GRHL2: variants seen among roughly 807,000 people sequenced by gnomAD.
GRHL2 encodes grainyhead-like protein 2 homolog.
GRHL2 carries 21 observed loss-of-function variants against 83.8 expected under a neutral mutation model. The observed-to-expected ratio is 0.25, with a 90% CI of 0.18 to 0.36. The LOEUF (loss-of-function observed/expected upper bound fraction) is 0.36. Among genes scored for constraint, GRHL2 ranks in the 10% least tolerant of loss-of-function variants. The pLI is 1.00. For missense variants in GRHL2, 623 were observed against 781.8 expected, an observed-to-expected ratio of 0.80 and a Z score of 2.42; for synonymous variants, 280 against 278.9, an observed-to-expected ratio of 1.00 and a Z score of -0.04.
intron 1 of GRHL2, among the ~76,000 whole-genome samples, chr8:101,510,983 C>A (rs1168800306): frequency 6.6e-6 from 1 of 152,052 alleles, no homozygotes; most frequent in Non-Finnish European, 1.5e-5. Context: ...TGCCTGTAAT[C>A]CCAGCCACTC....
In GRHL2 at chr8:101,619,703, T is replaced by TAAAG. The variant is rs1207398113; in HGVS notation, c.1257+8_1257+11dup. ...TCAAGGTCTTCTGTGACAAAGTGAG[T>TAAAG]AAAGATGACAGTTTTTTATAAAGGT... On this transcript the variant is annotated splice_region_variant and intron_variant, in intron 9 of 15. Transcript: ENST00000646743. The TAAAG allele has an allele frequency of 1.9e-6, 3 of 1,605,908 alleles. No individual in the cohort carries two copies. The Admixed American group carries it at 5.0e-5, about 27-fold the overall frequency.
At position 101,596,141 on chromosome 8, in the gene GRHL2, T is replaced by A. The variant is rs376275488; in HGVS notation, c.1004-2916T>A. Among the ~76,000 whole-genome samples the A allele has an allele frequency of 5.8e-4, 80 of 137,090 alleles. 2 individuals are homozygous for A. The highest frequency in any genetic ancestry group is 1.7e-3 in the African/African-American group (62 of 37,098). 89.9% of individuals were successfully genotyped at this position (137,090 alleles called of 152,430 possible). On this transcript the variant is annotated intron_variant, in intron 7 of 15. Coordinates refer to ENST00000646743, the MANE Select transcript of GRHL2 (RefSeq NM_024915.4). ...TCTCAAAAAATAAAAATAAAAAAAA[T>A]AAAATAAATAAATAAAACAGAGAAA...
At chr8:101,512,283 A>G (rs1415691839) in intron 1 of GRHL2, among the ~76,000 whole-genome samples, 2 of 152,170 alleles carry the variant, frequency 1.3e-5, no homozygotes, top group Non-Finnish European at 2.9e-5. Flanking sequence ...TCTTATTCAC[A>G]TCATGCATTC....
At chr8:101,519,289 G>A (rs1310413285) in intron 1 of GRHL2, among the ~76,000 whole-genome samples, 1 of 151,858 alleles carries the variant, frequency 6.6e-6, no homozygotes, top group Non-Finnish European at 1.5e-5. Flanking sequence ...TCCCAAAAGT[G>A]CTGGAATTAC....
chr8:101,664,594 C>T (rs1814004561), intron 15 of GRHL2, 76 bp downstream of exon 15: 1 of 1,083,712 alleles, frequency 9.2e-7, no homozygotes, highest in Non-Finnish European at 1.4e-6. Context: ...AAAATGATGC[C>T]TGTCTTTTGT....
chr8:101,553,814 G>A (rs1811435995), intron 3 of GRHL2, among the ~76,000 whole-genome samples: 1 of 151,262 alleles, frequency 6.6e-6, no homozygotes, highest in Non-Finnish European at 1.5e-5. Context: ...TTTTGGTAGA[G>A]ACAGAGTTTC....
At chr8:101,609,605 C>A (rs1174973231) in intron 8 of GRHL2, among the ~76,000 whole-genome samples, 1 of 150,914 alleles carries the variant, frequency 6.6e-6, no homozygotes, top group Non-Finnish European at 1.5e-5. Context: ...CTGGAAACAA[C>A]CTAATGTTGA....
At position 101,636,932 on chromosome 8, in the gene GRHL2, A is replaced by G; in HGVS notation, c.1517+4A>G. On this transcript the variant is annotated splice_donor_region_variant and intron_variant, in intron 12 of 15. Transcript: ENST00000646743. ...ACACGGATGATGAACGAGAAGGGTA[A>G]GACACTCAGTTCTTTCATTTCAACA... 1 of 1,613,224 alleles carries G rather than the reference A, an allele frequency of 6.2e-7. No homozygotes were observed. The highest frequency in any genetic ancestry group is 8.5e-7 in the Non-Finnish European group (1 of 1,179,212).
At chr8:101,568,401 G>A (rs796487156) in intron 4 of GRHL2, among the ~76,000 whole-genome samples, 5 of 152,262 alleles carry the variant, frequency 3.3e-5, no homozygotes, top group African/African-American at 1.2e-4. Flanking sequence ...AGTTCCTTCA[G>A]TTAATCCAGG....
At chr8:101,670,063 A>G (rs192996692), downstream of GRHL2, among the ~76,000 whole-genome samples, 75 of 152,302 alleles carry the variant, frequency 4.9e-4, 4 homozygotes, top group East Asian at 0.012. Flanking sequence ...TTGAATTCCC[A>G]CAAAAGCTTT....
At chr8:101,656,893 C>T (rs1236618589) in intron 14 of GRHL2, among the ~76,000 whole-genome samples, 1 of 152,022 alleles carries the variant, frequency 6.6e-6, no homozygotes, top group African/African-American at 2.4e-5. Context: ...CACACACACA[C>T]ACACACACAC....
chr8:101,649,392 C>T, intron 13 of GRHL2, 22 bp from the exon 14 acceptor site: 1 of 1,598,638 alleles, frequency 6.3e-7, no homozygotes, highest in East Asian at 2.2e-5. Flanking sequence ...GGTCACGTGG[C>T]TCTCTTGCCC....
intron 9 of GRHL2, among the ~76,000 whole-genome samples, chr8:101,620,418 C>T (rs1017515830): frequency 1.4e-4 from 21 of 152,098 alleles, no homozygotes; most frequent in African/African-American, 2.9e-4. Context: ...TCAGGGCATC[C>T]GTTATTATTT....
chr8:101,541,741 C>G (rs955165624), intron 1 of GRHL2, among the ~76,000 whole-genome samples: 2 of 152,042 alleles, frequency 1.3e-5, no homozygotes, highest in Non-Finnish European at 2.9e-5. Context: ...ATTTGATAGC[C>G]GAGCACCCAG....
chr8:101,659,851 A>G (rs535412148), intron 14 of GRHL2, among the ~76,000 whole-genome samples: 15 of 152,356 alleles, frequency 9.8e-5, no homozygotes, highest in African/African-American at 2.6e-4. Context: ...AAGATGTTCA[A>G]GGAAACTTTC....
At chr8:101,626,055 C>T (rs181087129) in intron 9 of GRHL2, among the ~76,000 whole-genome samples, 2 of 152,102 alleles carry the variant, frequency 1.3e-5, no homozygotes, top group African/African-American at 4.8e-5. Context: ...AAAACTAATT[C>T]CTGGGAGATT....
At position 101,607,013 on chromosome 8, in the gene GRHL2, G is replaced by A. The variant is rs546606613; in HGVS notation, c.1098+7862G>A. ...TATTCAGTCTCTTTGGGTGAAAAAT[G>A]TTATGCTAATTGAAAGGCTGGCTTG... On this transcript the variant is annotated intron_variant, in intron 8 of 15. Transcript: ENST00000646743. 2.6e-5 allele frequency among the ~76,000 whole-genome samples: 4 copies of A among 152,324 alleles called. No homozygotes were observed. The South Asian group carries it at 6.2e-4, about 24-fold the overall frequency.
intron 4 of GRHL2, among the ~76,000 whole-genome samples, chr8:101,568,559 T>G (rs72674238): frequency 6.5e-4 from 99 of 152,290 alleles, no homozygotes; most frequent in Non-Finnish European, 1.3e-3. Context: ...ACATAGACTT[T>G]CATATATAGC....
the GRHL2 span, among the ~76,000 whole-genome samples, chr8:101,678,772 C>A: frequency 2.0e-5 from 3 of 151,870 alleles, no homozygotes; most frequent in African/African-American, 7.3e-5. Flanking sequence ...GGGTCCTTGA[C>A]CCCCAAGCAG....
Sources: gnomAD v4.1 joint callset for allele counts (sites outside exome capture counted in the v4.1 genomes callset) on GRCh38, gnomAD v4.1.1 for gene constraint, MANE v1.5 for transcripts, NCBI Gene and HGNC (gene_info 2026-07-23, HGNC 2026-07-21) for gene names.